Variants in CWC27 observed in about 807,000 individuals in gnomAD.
CWC27 encodes CWC27 spliceosome associated cyclophilin, also known as spliceosome-associated protein CWC27 homolog.
Under a neutral mutation model 63.6 loss-of-function variants are expected in CWC27, and 47 were observed. The observed-to-expected ratio is 0.74, with a 90% CI of 0.58 to 0.94. CWC27 has a LOEUF of 0.94. Ranked by LOEUF, CWC27 falls within the 40% of genes least tolerant of loss-of-function variation. The pLI, the probability that CWC27 is intolerant of heterozygous loss-of-function variation, is 0.00. For synonymous variants in CWC27, 175 were observed against 179.8 expected (o/e 0.97, Z 0.22); for missense variants, 495 against 554.3 (o/e 0.89, Z 1.07).
intron 10 of CWC27, among the ~76,000 whole-genome samples, chr5:64,823,045 A>C (rs150390848): frequency 1.3e-3 from 194 of 152,344 alleles, no homozygotes; most frequent in African/African-American, 4.4e-3. Flanking sequence ...TTCTGATGCC[A>C]GCATTGTTTG....
At position 64,820,500 on chromosome 5, in the gene CWC27, G is replaced by A. The variant is rs530963518; in HGVS notation, c.938+16114G>A. Reference sequence around the variant, plus strand: ...AACTAGAAGAGCCACTTAAGTATATGTGAACCAATATCTAGAGTGTGACAT... The same window carrying A: ...AACTAGAAGAGCCACTTAAGTATATATGAACCAATATCTAGAGTGTGACAT... On this transcript the variant is annotated intron_variant, in intron 10 of 13. Transcript: ENST00000381070. Among the ~76,000 whole-genome samples the A allele has an allele frequency of 4.6e-5, 7 of 152,098 alleles. No individual in the cohort carries two copies. The East Asian group carries it at 1.3e-3, about 29-fold the overall frequency.
intron 10 of CWC27, among the ~76,000 whole-genome samples, chr5:64,872,254 C>T (rs1113297): frequency 0.36 from 55,243 of 151,860 alleles, 10,629 homozygotes; most frequent in East Asian, 0.51. Context: ...TCATTTTATG[C>T]CTTATTCTTG....
intron 10 of CWC27, among the ~76,000 whole-genome samples, chr5:64,812,398 T>A (rs920699583): frequency 6.6e-6 from 1 of 152,092 alleles, no homozygotes; most frequent in African/African-American, 2.4e-5. Flanking sequence ...TCATTCTCTT[T>A]TGTCCCAACG....
chr5:64,868,809 A>G (rs1746596080), intron 10 of CWC27, among the ~76,000 whole-genome samples: 3 of 151,806 alleles, frequency 2.0e-5, no homozygotes. Flanking sequence ...TTGTAGTTCT[A>G]GTTGTCGTAT....
At chr5:64,858,944 C>T (rs1184179222) in intron 10 of CWC27, among the ~76,000 whole-genome samples, 5 of 152,212 alleles carry the variant, frequency 3.3e-5, no homozygotes, top group Non-Finnish European at 7.3e-5. Context: ...AAGATCTGCA[C>T]ATGTGCATCA....
At chr5:64,832,197 T>C (rs1745541129) in intron 10 of CWC27, among the ~76,000 whole-genome samples, 1 of 151,934 alleles carries the variant, frequency 6.6e-6, no homozygotes, top group East Asian at 1.9e-4. Flanking sequence ...GCATTAGTCA[T>C]GTGGAAAGCA....
At chr5:64,801,618 C>T (rs1479129232) in intron 9 of CWC27, among the ~76,000 whole-genome samples, 12 of 151,896 alleles carry the variant, frequency 7.9e-5, no homozygotes. Flanking sequence ...TACGTTAATA[C>T]TCAAACTTCA....
chr5:64,938,681 A>G (rs1748411033), intron 11 of CWC27, among the ~76,000 whole-genome samples: 1 of 152,068 alleles, frequency 6.6e-6, no homozygotes, highest in South Asian at 2.1e-4. Flanking sequence ...GTTCTCCTGG[A>G]TAATATCCTG....
At chr5:64,872,430 T>G (rs1464617335) in intron 10 of CWC27, among the ~76,000 whole-genome samples, 4 of 152,328 alleles carry the variant, frequency 2.6e-5, no homozygotes, top group Non-Finnish European at 4.4e-5. Flanking sequence ...GAGGATCACT[T>G]ATATGCAGCT....
At chr5:64,995,719 A>G (rs1435677579) in intron 13 of CWC27, among the ~76,000 whole-genome samples, 1 of 152,224 alleles carries the variant, frequency 6.6e-6, no homozygotes, top group Non-Finnish European at 1.5e-5. Context: ...TTCTTGTGCC[A>G]GTACCTCACT....
At chr5:64,796,118 C>G (rs1183587770) in intron 7 of CWC27, among the ~76,000 whole-genome samples, 1 of 151,132 alleles carries the variant, frequency 6.6e-6, no homozygotes, top group African/African-American at 2.4e-5. Flanking sequence ...CCTGCATTGC[C>G]TGGGAGAATA....
In CWC27 at chr5:64,909,421, G is replaced by A. The variant is rs568470963; in HGVS notation, c.1042+23875G>A. 4.0e-5 allele frequency among the ~76,000 whole-genome samples: 6 copies of A among 151,808 alleles called. No individual in the cohort carries two copies. The East Asian group carries it at 1.2e-3, about 29-fold the overall frequency. Reference sequence around the variant, plus strand: ...TCTGACGATTATGTGTCTTGGGGTTGTTCTTCTCAAGGAGTATCTTTGTGG... The same window carrying A: ...TCTGACGATTATGTGTCTTGGGGTTATTCTTCTCAAGGAGTATCTTTGTGG... On this transcript the variant is annotated intron_variant, in intron 11 of 13. Transcript: ENST00000381070.
In CWC27 at chr5:65,010,049, T is replaced by C. The variant is rs1463497606; in HGVS notation, c.1257-8110T>C. 2.6e-5 allele frequency among the ~76,000 whole-genome samples: 4 copies of C among 152,182 alleles called. No homozygotes were observed. The East Asian group carries it at 7.7e-4, about 29-fold the overall frequency. On this transcript the variant is annotated intron_variant, in intron 13 of 13. Coordinates refer to ENST00000381070, the MANE Select transcript of CWC27 (RefSeq NM_005869.4). ...TGTGACTTTCTCCAGTAATAGTGAC[T>C]GAATGTAACTCAAATCAAACTCAGG...
chr5:65,005,451 C>A (rs1477651747), intron 13 of CWC27, among the ~76,000 whole-genome samples: 1 of 151,952 alleles, frequency 6.6e-6, no homozygotes, highest in African/African-American at 2.4e-5. Context: ...GCAGACACAG[C>A]ATGCTTAACC....
At position 64,940,842 on chromosome 5, in the gene CWC27, CTTTTTTTTTTTTT is replaced by C. The variant is rs70983655; in HGVS notation, c.1043-30849_1043-30837del. ...AAGCTGGCTTTTTCTTTCTTTCTTT[CTTTTTTTTTTTTT>C]TTTTTTTTTTTGAGACAGTCTTACT... On this transcript the variant is annotated intron_variant, in intron 11 of 13. Coordinates refer to ENST00000381070, the MANE Select transcript of CWC27 (RefSeq NM_005869.4). Among the ~76,000 whole-genome samples the C allele has an allele frequency of 7.7e-5, 5 of 64,980 alleles. No individual in the cohort carries two copies. The South Asian group carries it at 2.2e-3, about 28-fold the overall frequency. The allele number at this position is 64,980 out of a possible 152,430, so 42.6% of individuals were successfully genotyped here.
chr5:64,988,027 CCTT>C (rs986608717), intron 13 of CWC27, among the ~76,000 whole-genome samples: 20 of 152,106 alleles, frequency 1.3e-4, no homozygotes, highest in African/African-American at 4.8e-4. Flanking sequence ...TCAACACATT[CCTT>C]CTTCTCTATT....
chr5:64,808,581 C>T (rs1254795388), intron 10 of CWC27: 1 of 153,756 alleles, frequency 6.5e-6, no homozygotes, highest in East Asian at 1.9e-4. Flanking sequence ...TCCTCTGGAT[C>T]TTGTAAGTAG....
intron 10 of CWC27, among the ~76,000 whole-genome samples, chr5:64,818,767 A>G (rs1745115212): frequency 6.6e-6 from 1 of 152,222 alleles, no homozygotes; most frequent in Admixed American, 6.6e-5. Context: ...AATAGCCCAG[A>G]AATCAAAGAC....
intron 7 of CWC27, among the ~76,000 whole-genome samples, chr5:64,793,893 CCT>C (rs1744165206): frequency 6.6e-6 from 1 of 152,064 alleles, no homozygotes; most frequent in Non-Finnish European, 1.5e-5. Context: ...AGATTAGAGT[CCT>C]CTCTGGTTTA....
Sources: gnomAD v4.1 joint callset for allele counts (sites outside exome capture counted in the v4.1 genomes callset) on GRCh38, gnomAD v4.1.1 for gene constraint, MANE v1.5 for transcripts, NCBI Gene and HGNC (gene_info 2026-07-23, HGNC 2026-07-21) for gene names.